The following RBFOX1 variants were observed in gnomAD, a reference collection of about 807,000 sequenced individuals.
The protein encoded by RBFOX1 is RNA binding fox-1 homolog 1.
In RBFOX1, 8 loss-of-function variants were observed where a neutral mutation model predicts 57.7. The ratio of observed to expected loss-of-function variants is 0.14; its 90% CI spans 0.08 to 0.25. The LOEUF (loss-of-function observed/expected upper bound fraction) is 0.25. Among genes scored for constraint, RBFOX1 ranks in the 10% least tolerant of loss-of-function variants. The pLI, the probability that RBFOX1 is intolerant of heterozygous loss-of-function variation, is 1.00. For synonymous variants in RBFOX1, 326 were observed against 222.4 expected (o/e 1.47, Z -4.15); for missense variants, 611 against 548.5 (o/e 1.11, Z -1.14).
At chr16:5,501,970 A>T (rs2043212597) in intron 2 of RBFOX1, among the ~76,000 whole-genome samples, 1 of 151,582 alleles carries the variant, frequency 6.6e-6, no homozygotes, top group South Asian at 2.1e-4. Context: ...TGATCCTCCC[A>T]CCTTGGCCTC....
chr16:5,673,524 C>T (rs1016205311), intron 3 of RBFOX1, among the ~76,000 whole-genome samples: 1 of 152,236 alleles, frequency 6.6e-6, no homozygotes, highest in Non-Finnish European at 1.5e-5. Flanking sequence ...TCGCTTGGCA[C>T]CTAAAGGTTG....
chr16:6,728,649 A>G (rs914200059), intron 3 of RBFOX1, among the ~76,000 whole-genome samples: 18 of 152,212 alleles, frequency 1.2e-4, no homozygotes, highest in Admixed American at 3.3e-4. Flanking sequence ...AATGTTGGAT[A>G]TTGATTCTGA....
intron 4 of RBFOX1, among the ~76,000 whole-genome samples, chr16:7,446,385 G>C (rs2150056112): frequency 6.6e-6 from 1 of 152,270 alleles, no homozygotes; most frequent in East Asian, 1.9e-4. Flanking sequence ...AGGAGAAGTA[G>C]AACAAGGAGG....
intron 2 of RBFOX1, among the ~76,000 whole-genome samples, chr16:5,487,574 A>T (rs2042671045): frequency 6.6e-6 from 1 of 152,206 alleles, no homozygotes; most frequent in East Asian, 1.9e-4. Context: ...AGGCAATGTT[A>T]TGAGGAAATC....
chr16:6,842,739 G>T (rs866517789), intron 3 of RBFOX1, among the ~76,000 whole-genome samples: 1 of 151,238 alleles, frequency 6.6e-6, no homozygotes, highest in Non-Finnish European at 1.5e-5. Context: ...GTGCCATGGT[G>T]GTTTGCTGCA....
At chr16:6,520,977 A>G (rs1345520757) in intron 2 of RBFOX1, among the ~76,000 whole-genome samples, 2 of 152,146 alleles carry the variant, frequency 1.3e-5, no homozygotes, top group Non-Finnish European at 2.9e-5. Flanking sequence ...CACTAGAGAG[A>G]TGTAAATTGG....
intron 1 of RBFOX1, among the ~76,000 whole-genome samples, chr16:6,243,636 C>T (rs8048052): frequency 0.021 from 3,186 of 152,288 alleles, 107 homozygotes; most frequent in African/African-American, 0.072. Context: ...CCCTGTGGCC[C>T]GTAACCCGGG....
chr16:7,707,130 T>C (rs1344823292), intron 14 of RBFOX1, among the ~76,000 whole-genome samples: 2 of 152,206 alleles, frequency 1.3e-5, no homozygotes, highest in Non-Finnish European at 2.9e-5. Context: ...GAGAATCCTC[T>C]TGAAGCTGAA....
At chr16:7,577,291 G>A (rs181615868) in intron 5 of RBFOX1, among the ~76,000 whole-genome samples, 1 of 152,110 alleles carries the variant, frequency 6.6e-6, no homozygotes, top group Non-Finnish European at 1.5e-5. Context: ...GCTTTGCACA[G>A]TGTCCTTTGA....
In RBFOX1 at chr16:5,454,767, C is replaced by CTTTTCTTT. The variant is rs1567534252; in HGVS notation, c.220-12448_220-12447insTTTCTTTT. On this transcript the variant is annotated intron_variant, in intron 1 of 2. Coordinates refer to the RBFOX1 transcript ENST00000585867. ...TCTTTTTCTTTTCTTTTCTTTCTTT[C>CTTTTCTTT]TCTTTCTTTCTTTCTTTCTTTCTCT... Among the ~76,000 whole-genome samples, 86 of 36,322 alleles carry CTTTTCTTT rather than the reference C, an allele frequency of 2.4e-3. 2 individuals carry two copies. The highest frequency in any genetic ancestry group is 9.1e-3 in the South Asian group (13 of 1,434). The allele number at this position is 36,322 out of a possible 152,430, so 23.8% of individuals were successfully genotyped here. A position where few individuals can be genotyped will look rare whatever the true frequency, so the allele number is the denominator to read the frequency against.
At chr16:7,062,290 T>A (rs2054567435) in intron 4 of RBFOX1, among the ~76,000 whole-genome samples, 1 of 121,678 alleles carries the variant, frequency 8.2e-6, no homozygotes. Flanking sequence ...TGCACTCCAG[T>A]CTGAGAGACA....
At position 6,678,821 on chromosome 16, in the gene RBFOX1, G is replaced by A. The variant is rs557810866; in HGVS notation, c.-16+24171G>A. ...GAATAGCTGATAAGGCTTGTAACAC[G>A]GTTCATCCAGGAGGCTGAGTGAGGC... On this transcript the variant is annotated intron_variant, in intron 3 of 15. Transcript: ENST00000550418. Among the ~76,000 whole-genome samples, 34 of 152,158 alleles carry A rather than the reference G, an allele frequency of 2.2e-4. No homozygotes were observed. In the South Asian group the frequency reaches 3.5e-3, roughly 16 times the overall value.
chr16:5,869,201 A>G (rs965342626), intron 4 of RBFOX1, among the ~76,000 whole-genome samples: 2 of 151,984 alleles, frequency 1.3e-5, no homozygotes, highest in African/African-American at 4.8e-5. Context: ...CCAGTCATGA[A>G]GGACTGATTG....
At chr16:5,882,561 C>T (rs958951993) in intron 4 of RBFOX1, among the ~76,000 whole-genome samples, 2 of 152,116 alleles carry the variant, frequency 1.3e-5, no homozygotes, top group African/African-American at 4.8e-5. Context: ...GAGCAGAGAC[C>T]TGGAGGGCTC....
At chr16:6,765,465 A>G (rs2077196931) in intron 3 of RBFOX1, among the ~76,000 whole-genome samples, 1 of 152,212 alleles carries the variant, frequency 6.6e-6, no homozygotes, top group South Asian at 2.1e-4. Flanking sequence ...AATCTGTGGA[A>G]CATACCCCTA....
intron 1 of RBFOX1, among the ~76,000 whole-genome samples, chr16:6,244,317 C>T (rs761017554): frequency 6.6e-6 from 1 of 152,042 alleles, no homozygotes; most frequent in East Asian, 1.9e-4. Flanking sequence ...CTTTGGACAT[C>T]TGCTCAACCC....
intron 3 of RBFOX1, among the ~76,000 whole-genome samples, chr16:6,742,985 A>G (rs1208057498): frequency 6.6e-6 from 1 of 152,200 alleles, no homozygotes; most frequent in Non-Finnish European, 1.5e-5. Context: ...AATATCATAT[A>G]GTACAATATG....
chr16:5,976,883 A>T (rs1431609029), intron 4 of RBFOX1, among the ~76,000 whole-genome samples: 1 of 152,200 alleles, frequency 6.6e-6, no homozygotes, highest in South Asian at 2.1e-4. Flanking sequence ...TGTATCAATA[A>T]GGTCTTGCTA....
chr16:5,960,543 A>G (rs916942868), intron 4 of RBFOX1, among the ~76,000 whole-genome samples: 20 of 152,110 alleles, frequency 1.3e-4, no homozygotes, highest in African/African-American at 4.3e-4. Flanking sequence ...TTGCCATTAA[A>G]CCATGCACAT....
Sources: allele counts gnomAD v4.1 joint callset (sites outside exome capture counted in the v4.1 genomes callset), GRCh38; gene constraint gnomAD v4.1.1; transcripts MANE v1.5; gene names NCBI Gene and HGNC (gene_info 2026-07-23, HGNC 2026-07-21).